Variants in ACADS observed in about 807,000 individuals in gnomAD.
ACADS encodes acyl-CoA dehydrogenase short chain.
Under a neutral mutation model 46.8 loss-of-function variants are expected in ACADS, and 28 were observed. That is an observed-to-expected ratio of 0.60 (90% CI 0.44 to 0.82). ACADS has a LOEUF of 0.82. Among genes scored for constraint, ACADS ranks in the 40% least tolerant of loss-of-function variants. ACADS has a pLI of 0.00. For missense variants in ACADS, 528 were observed against 578.0 expected (o/e 0.91, Z 0.89); for synonymous variants, 236 against 237.7 (o/e 0.99, Z 0.07).
rs551767281 is a variant in ACADS at position 120,737,539 on chromosome 12, A to G, written c.472+72A>G. The G allele has an allele frequency of 2.0e-4, 285 of 1,392,280 alleles. 1 individual carries two copies. In the African/African-American group the frequency reaches 3.7e-3, roughly 18 times the overall value. 86.2% of individuals were successfully genotyped at this position (1,392,280 alleles called of 1,614,324 possible). A position where few individuals can be genotyped will look rare whatever the true frequency, so the allele number is the denominator to read the frequency against. On this transcript the variant is annotated intron_variant, in intron 4 of 9. Transcript: ENST00000242592. ...GGGGAGGAGAGGAAGGTGCTAGGCC[A>G]ACTGCCCACTGCTTCGGAGGCCAGA...
chr12:120,738,093 C>CA, intron 5 of ACADS, 105 bp downstream of exon 5: 1 of 1,582,380 alleles, frequency 6.3e-7, no homozygotes, highest in South Asian at 1.1e-5. Flanking sequence ...TGCTCTGGGG[C>CA]AAGTGGGCTG....
At chr12:120,737,636 G>C in intron 4 of ACADS, 169 bp downstream of exon 4, 2 of 1,047,594 alleles carry the variant, frequency 1.9e-6, no homozygotes, top group Non-Finnish European at 2.8e-6. Context: ...GATTGCCTTC[G>C]GGGTCCCCTG....
Position 120,739,284 on chromosome 12 carries a change from T to G in ACADS, c.1087-12T>G. ...GGGTCTTCTCCCTCCTGAGCCACTG[T>G]TCTCATCTCAGGCCATCCAGATCCT... On this transcript the variant is annotated splice_polypyrimidine_tract_variant and intron_variant, in intron 9 of 9. Transcript: ENST00000242592. 6.2e-7 allele frequency: 1 copy of G among 1,612,992 alleles called. No homozygotes were observed. The highest frequency in any genetic ancestry group is 8.5e-7 in the Non-Finnish European group (1 of 1,179,958).
chr12:120,736,156 GT>G (rs1883428765), intron 2 of ACADS, among the ~76,000 whole-genome samples: 1 of 137,990 alleles, frequency 7.2e-6, no homozygotes, highest in Admixed American at 8.0e-5. Context: ...TTATTATTTT[GT>G]TTTTGGTAGA....
chr12:120,736,973 T>G lies in ACADS; in HGVS notation c.211-13T>G. On this transcript the variant is annotated splice_polypyrimidine_tract_variant and intron_variant, in intron 2 of 9. Transcript: ENST00000242592. ...GCAGCTGCCCATGGCGTGCCGTCCT[T>G]CCCTGTGCCCAGGTGAAGAAGATGG... 1 of 1,599,704 alleles carries G rather than the reference T, an allele frequency of 6.3e-7. No individual in the cohort carries two copies. Among genetic ancestry groups the G allele is most frequent in the Non-Finnish European group, 8.5e-7 (1 of 1,173,890 alleles).
intron 2 of ACADS, among the ~76,000 whole-genome samples, chr12:120,732,051 A>G (rs367892632): frequency 2.2e-4 from 34 of 152,388 alleles, no homozygotes; most frequent in Non-Finnish European, 3.8e-4. Flanking sequence ...ACACAGACAC[A>G]GCAACCATCC....
At chr12:120,725,998 G>A (rs1883071542) in intron 1 of ACADS, 67 bp downstream of exon 1, 5 of 1,453,704 alleles carry the variant, frequency 3.4e-6, no homozygotes, top group Non-Finnish European at 4.5e-6. Context: ...CGGAGGTCCT[G>A]GCGGCCGGCT....
Position 120,738,556 on chromosome 12 carries a change from C to A in ACADS, c.819C>A (p.Ile273=). ...IAMQTLDMGR[I]GIASQALGIA... ...AGCAAACCCTGGACATGGGCCGCAT[C>A]GGCATCGCCTCCCAGGCCCTGGGCA... The change falls in exon 7 of 10, where the codon ATC becomes ATA. Residue 273 remains isoleucine, a synonymous_variant. Coordinates refer to ENST00000242592, the MANE Select transcript of ACADS (RefSeq NM_000017.4). 1 of 1,611,168 alleles carries A rather than the reference C, an allele frequency of 6.2e-7. No individual in the cohort carries two copies. The highest frequency in any genetic ancestry group is 8.5e-7 in the Non-Finnish European group (1 of 1,179,926).
At position 120,734,782 on chromosome 12, in the gene ACADS, C is replaced by T. The variant is rs567687655; in HGVS notation, c.211-2204C>T. ...TTTTTTTTTTTTTGAGACAGATTCT[C>T]GCTCTGTCGCCCAGACTGGAGTGCA... On this transcript the variant is annotated intron_variant, in intron 2 of 9. Transcript: ENST00000242592. Among the ~76,000 whole-genome samples the T allele has an allele frequency of 7.0e-5, 10 of 143,268 alleles. 1 individual carries two copies. Among genetic ancestry groups the T allele is most frequent in the African/African-American group, 1.6e-4 (6 of 38,634 alleles). 94.0% of individuals were successfully genotyped at this position (143,268 alleles called of 152,430 possible).
At chr12:120,736,015 C>T (rs1335753470) in intron 2 of ACADS, among the ~76,000 whole-genome samples, 1 of 152,030 alleles carries the variant, frequency 6.6e-6, no homozygotes, top group Non-Finnish European at 1.5e-5. Context: ...CCGTCCCTGT[C>T]CCTGTCCCCG....
At chr12:120,729,113 C>A (rs898459667) in intron 2 of ACADS, among the ~76,000 whole-genome samples, 2 of 152,114 alleles carry the variant, frequency 1.3e-5, no homozygotes, top group African/African-American at 4.8e-5. Flanking sequence ...GAAGGTCAGG[C>A]CTCTCTGTAG....
chr12:120,733,511 G>A (rs1294085035), intron 2 of ACADS, among the ~76,000 whole-genome samples: 3 of 151,290 alleles, frequency 2.0e-5, no homozygotes, highest in Non-Finnish European at 4.4e-5. Context: ...CTCTCACTTG[G>A]ACTTCCCCTT....
intron 2 of ACADS, among the ~76,000 whole-genome samples, chr12:120,734,876 C>T (rs1440063249): frequency 6.6e-6 from 1 of 151,000 alleles, no homozygotes; most frequent in East Asian, 2.0e-4. Context: ...CTCAGCCTCC[C>T]GAGTAGCTGG....
chr12:120,733,104 CGCAGGCACTCG>C (rs1883315307), intron 2 of ACADS, among the ~76,000 whole-genome samples: 1 of 152,242 alleles, frequency 6.6e-6, no homozygotes, highest in South Asian at 2.1e-4. Flanking sequence ...CGCCTGCAAT[CGCAGGCACTCG>C]GCAGGCTGAG....
rs757766697 is a variant in ACADS at position 120,739,106 on chromosome 12, C to T, written c.1030-34C>T. 1.6e-5 allele frequency: 26 copies of T among 1,612,862 alleles called. No individual in the cohort carries two copies. The Admixed American group carries it at 3.3e-4, about 21-fold the overall frequency. ...GGAGCAGGGGATGGAGGGGTCCCCTCAAGGGAAGGCTCTGACTGTACCCCC... is the reference window on the plus strand; with the variant it reads ...GGAGCAGGGGATGGAGGGGTCCCCTTAAGGGAAGGCTCTGACTGTACCCCC... On this transcript the variant is annotated intron_variant, in intron 8 of 9. Transcript: ENST00000242592.
At position 120,728,722 on chromosome 12, in the gene ACADS, G is replaced by C. The variant is rs898611421; in HGVS notation, c.210+1533G>C. Among the ~76,000 whole-genome samples the C allele has an allele frequency of 2.0e-5, 3 of 151,586 alleles. No homozygotes were observed. The highest frequency in any genetic ancestry group is 7.3e-5 in the African/African-American group (3 of 41,228). On this transcript the variant is annotated intron_variant, in intron 2 of 9. Transcript: ENST00000242592. This position sits in a 1 kb window ranked among gnomAD's most constrained non-coding sequence, Gnocchi z 4.0. ...GGGTTTCACCGTGTTGCCCAGGCTGGTCTCAAACTCCTGAGCTCAGGCAAT... is the reference window on the plus strand; with the variant it reads ...GGGTTTCACCGTGTTGCCCAGGCTGCTCTCAAACTCCTGAGCTCAGGCAAT...
chr12:120,738,133 C>T, intron 5 of ACADS, 145 bp downstream of exon 5: 1 of 1,567,706 alleles, frequency 6.4e-7, no homozygotes, highest in Non-Finnish European at 8.6e-7. Context: ...GCCACTGAAG[C>T]CTGCACCTTC....
In ACADS at chr12:120,727,026, C is replaced by T. The variant is rs147494970; in HGVS notation, c.47C>T (p.Ala16Val). Residue 16 changes from alanine (A) to valine (V), a missense_variant and splice_region_variant, in exon 2 of 10, where the codon GCT becomes GTT. Physicochemically the swap from Ala to Val is moderately conservative, Grantham distance 64. Coordinates refer to ENST00000242592, the MANE Select transcript of ACADS (RefSeq NM_000017.4). The part of the protein sequence containing the change: ...LARASGPARR[A>V]LCPRAWRQLH... ...CACTCACTTCTGCCCTTGCCGGCAG[C>T]TCTCTGTCCTAGGGCCTGGCGGCAG... is the stretch of plus-strand genomic sequence containing the variant. 5.8e-5 allele frequency: 93 copies of T among 1,614,158 alleles called. No individual in the cohort carries two copies. The African/African-American group carries it at 1.1e-3, about 19-fold the overall frequency.
chr12:120,736,397 C>T (rs1312365723), intron 2 of ACADS, among the ~76,000 whole-genome samples: 1 of 152,202 alleles, frequency 6.6e-6, no homozygotes, highest in African/African-American at 2.4e-5. Context: ...TCTGTGCCCT[C>T]GTGGTGAAGG....
Sources: allele counts gnomAD v4.1 joint callset (sites outside exome capture counted in the v4.1 genomes callset), GRCh38; gene constraint gnomAD v4.1.1; non-coding constraint Gnocchi (gnomAD v3.1); transcripts MANE v1.5; gene names NCBI Gene and HGNC (gene_info 2026-07-23, HGNC 2026-07-21).